Variants in RNF220 observed in about 807,000 individuals in gnomAD.
RNF220 encodes ring finger protein 220, also known as E3 ubiquitin-protein ligase RNF220.
A neutral mutation model predicts 67.1 loss-of-function variants in RNF220; 7 were observed. The observed-to-expected ratio is 0.10, with a 90% confidence interval of 0.06 to 0.20. RNF220 has a LOEUF of 0.20. Ranked by LOEUF, RNF220 falls within the 10% of genes least tolerant of loss-of-function variation. The probability of loss-of-function intolerance (pLI) is 1.00; values close to 1 mark genes in which losing one functional copy is unlikely to be tolerated. For missense variants in RNF220, 565 were observed against 740.3 expected, an observed-to-expected ratio of 0.76 and a Z score of 2.75; for synonymous variants, 270 against 283.2, an observed-to-expected ratio of 0.95 and a Z score of 0.47.
chr1:44,626,466 G>C lies in RNF220; in HGVS notation c.906+68G>C, dbSNP rs151185575. ...GGGGGAGGGCTTCAAGAGCCTGCCC[G>C]GTGCTAACTCCTCCTCTCCTCTGTA... On this transcript the variant is annotated intron_variant, in intron 5 of 14. Coordinates refer to ENST00000361799, the MANE Select transcript of RNF220 (RefSeq NM_018150.4). 5 of 1,222,698 alleles carry C rather than the reference G, an allele frequency of 4.1e-6. No individual in the cohort carries two copies. In the Admixed American group the frequency reaches 8.9e-5, roughly 22 times the overall value. The allele number at this position is 1,222,698 out of a possible 1,614,324, so 75.7% of individuals were successfully genotyped here.
At chr1:44,574,328 T>C (rs1345477988) in intron 2 of RNF220, among the ~76,000 whole-genome samples, 1 of 152,206 alleles carries the variant, frequency 6.6e-6, no homozygotes, top group African/African-American at 2.4e-5. Flanking sequence ...TGGCTAACTC[T>C]TACTTGTCCT....
chr1:44,605,404 C>T (rs1667204125), intron 2 of RNF220, among the ~76,000 whole-genome samples: 1 of 152,162 alleles, frequency 6.6e-6, no homozygotes, highest in Non-Finnish European at 1.5e-5. Flanking sequence ...ATGGCATCTC[C>T]CAGCTGGCAT....
intron 2 of RNF220, among the ~76,000 whole-genome samples, chr1:44,561,301 G>A (rs144682369): frequency 3.9e-4 from 60 of 152,220 alleles, no homozygotes; most frequent in African/African-American, 1.4e-3. Flanking sequence ...CACGAGGTCA[G>A]GAGTTCAAGA....
chr1:44,589,287 A>G (rs1219705404), intron 2 of RNF220, among the ~76,000 whole-genome samples: 1 of 152,124 alleles, frequency 6.6e-6, no homozygotes, highest in East Asian at 1.9e-4. Context: ...CCTGAGCCCC[A>G]GTGTTCTTAT....
intron 2 of RNF220, among the ~76,000 whole-genome samples, chr1:44,453,729 A>G (rs903036401): frequency 6.6e-6 from 1 of 152,148 alleles, no homozygotes; most frequent in African/African-American, 2.4e-5. Context: ...TAAGTAAGCT[A>G]GTAGTCTTCT....
chr1:44,642,172 T>C (rs929370252), intron 8 of RNF220, among the ~76,000 whole-genome samples: 1 of 152,196 alleles, frequency 6.6e-6, no homozygotes, highest in African/African-American at 2.4e-5. Context: ...CAATAGGTGG[T>C]AATAAATATG....
chr1:44,558,689 T>A (rs1420855611), intron 2 of RNF220, among the ~76,000 whole-genome samples: 1 of 152,164 alleles, frequency 6.6e-6, no homozygotes, highest in Non-Finnish European at 1.5e-5. Context: ...AGCTAGAAAG[T>A]TTACGGAGCT....
At chr1:44,444,441 T>C (rs1351589256) in intron 2 of RNF220, among the ~76,000 whole-genome samples, 2 of 152,104 alleles carry the variant, frequency 1.3e-5, no homozygotes, top group Non-Finnish European at 2.9e-5. Context: ...TCCTTTCTTT[T>C]CTTTCTTTCT....
chr1:44,641,080 A>G (rs1330502756), intron 8 of RNF220, among the ~76,000 whole-genome samples: 1 of 152,218 alleles, frequency 6.6e-6, no homozygotes, highest in Non-Finnish European at 1.5e-5. Flanking sequence ...ACCCAGGAAG[A>G]AATGAGTTTA....
chr1:44,581,171 T>C (rs1412857901), intron 2 of RNF220, among the ~76,000 whole-genome samples: 1 of 152,230 alleles, frequency 6.6e-6, no homozygotes, highest in African/African-American at 2.4e-5. Context: ...TCATACGGAC[T>C]CTGCACCACA....
chr1:44,536,350 G>A (rs984055421), intron 2 of RNF220, among the ~76,000 whole-genome samples: 2 of 152,236 alleles, frequency 1.3e-5, no homozygotes, highest in African/African-American at 4.8e-5. Flanking sequence ...ATAAGGCAGT[G>A]GGGGTGAAAC....
chr1:44,446,842 C>T (rs1482367062), intron 2 of RNF220, among the ~76,000 whole-genome samples: 1 of 152,142 alleles, frequency 6.6e-6, no homozygotes, highest in Non-Finnish European at 1.5e-5. Context: ...CAGGCGTGAG[C>T]CACCATGCCC....
intron 2 of RNF220, among the ~76,000 whole-genome samples, chr1:44,548,224 T>TA (rs1389457864): frequency 6.6e-6 from 1 of 152,134 alleles, no homozygotes; most frequent in East Asian, 1.9e-4. Flanking sequence ...TTATACTGTC[T>TA]AAAAAATCCT....
intron 5 of RNF220, chr1:44,626,605 G>A (rs932746869): frequency 1.2e-5 from 7 of 580,272 alleles, no homozygotes; most frequent in East Asian, 2.8e-5. Context: ...ATTTTAGGGA[G>A]AGATGCCAAG....
chr1:44,501,772 G>A (rs547716341), intron 2 of RNF220, among the ~76,000 whole-genome samples: 7 of 152,192 alleles, frequency 4.6e-5, no homozygotes, highest in South Asian at 2.1e-4. Flanking sequence ...GTGCAGGAGA[G>A]GGGGGCTGGG....
chr1:44,640,148 GCAAGGGGGTAAGAGGTGTTGTAAGCC>G (rs1644445994), intron 8 of RNF220, among the ~76,000 whole-genome samples: 1 of 152,256 alleles, frequency 6.6e-6, no homozygotes, highest in South Asian at 2.1e-4. Context: ...GAAGTATGGG[GCAAGGGGGTAAGAGGTGTTGTAAGCC>G]CCAGGGCATG....
rs1038490413 is a variant in RNF220 at position 44,488,261 on chromosome 1, G to A, written c.625+75539G>A. ...AGTGATTCACCTGCCTCAGCCTCCC[G>A]AGTAGCTGGGATTATAGGCGTGCGC... On this transcript the variant is annotated intron_variant, in intron 2 of 14. Transcript: ENST00000361799. Among the ~76,000 whole-genome samples, 45 of 150,848 alleles carry A rather than the reference G, an allele frequency of 3.0e-4. 1 individual carries two copies. Among genetic ancestry groups the A allele is most frequent in the Admixed American group, 2.7e-4 (4 of 15,068 alleles).
intron 2 of RNF220, among the ~76,000 whole-genome samples, chr1:44,418,826 A>G (rs557970708): frequency 2.6e-5 from 4 of 152,194 alleles, no homozygotes; most frequent in Admixed American, 6.5e-5. Flanking sequence ...ACACATTGAA[A>G]TGTATTCTTT....
chr1:44,552,274 T>C (rs1007758282), intron 2 of RNF220, among the ~76,000 whole-genome samples: 2 of 151,978 alleles, frequency 1.3e-5, no homozygotes, highest in African/African-American at 4.8e-5. Flanking sequence ...AGTCCAGCAC[T>C]TTGGGAGGAT....
Sources: gnomAD v4.1 joint callset for allele counts (sites outside exome capture counted in the v4.1 genomes callset) on GRCh38, gnomAD v4.1.1 for gene constraint, MANE v1.5 for transcripts, NCBI Gene and HGNC (gene_info 2026-07-23, HGNC 2026-07-21) for gene names.